The following NLRP3 variants were observed in gnomAD, a reference collection of about 807,000 sequenced individuals.
NLRP3 encodes the protein NLR family pyrin domain containing 3.
A neutral mutation model predicts 91.3 loss-of-function variants in NLRP3; 48 were observed. The ratio of observed to expected loss-of-function variants is 0.53; its 90% CI spans 0.42 to 0.67. The LOEUF is 0.67. NLRP3 is among the 30% of genes least tolerant of loss of function. NLRP3 has a pLI of 0.00. For missense variants in NLRP3, 982 were observed against 1,276.9 expected (o/e 0.77, Z 3.52); for synonymous variants, 561 against 507.9 (o/e 1.10, Z -1.41).
Position 247,424,297 on chromosome 1 carries a change from C to A in NLRP3, c.848C>A (p.Pro283Gln). 1.9e-6 allele frequency: 3 copies of A among 1,614,078 alleles called. No individual in the cohort carries two copies. The highest frequency in any genetic ancestry group is 2.5e-6 in the Non-Finnish European group (3 of 1,179,996). The change falls in exon 4 of 10, where the codon CCA becomes CAA. Residue 283 changes from proline to glutamine, a missense_variant. By Grantham distance (76) the Pro-to-Gln change is moderately conservative. Coordinates refer to ENST00000336119, the MANE Select transcript of NLRP3 (RefSeq NM_001243133.2). The surrounding 1 kb of genome is among the most constrained non-coding windows in gnomAD (Gnocchi z 8.1). ...LIMSCCPDPN[P>Q]PIHKIVRKPS... ...ATGAGCTGCTGCCCCGACCCAAACCCACCCATCCACAAGATCGTGAGAAAA... is the reference window on the plus strand; with the variant it reads ...ATGAGCTGCTGCCCCGACCCAAACCAACCCATCCACAAGATCGTGAGAAAA...
At chr1:247,422,782 G>A (rs1398001765) in intron 2 of NLRP3, among the ~76,000 whole-genome samples, 1 of 152,226 alleles carries the variant, frequency 6.6e-6, no homozygotes, top group Non-Finnish European at 1.5e-5. Flanking sequence ...GACAATAGAA[G>A]ACGTGTGTAA....
intron 5 of NLRP3, among the ~76,000 whole-genome samples, chr1:247,433,376 A>G (rs1336773444): frequency 2.6e-5 from 4 of 152,206 alleles, no homozygotes; most frequent in African/African-American, 7.2e-5. Flanking sequence ...GGGCACGTCA[A>G]TGGTTAGGAA....
At position 247,425,099 on chromosome 1, in the gene NLRP3, G is replaced by A. The variant is rs748768461; in HGVS notation, c.1650G>A (p.Lys550=). 1.2e-6 allele frequency: 2 copies of A among 1,612,746 alleles called. No individual in the cohort carries two copies. The highest frequency in any genetic ancestry group is 1.3e-5 in the African/African-American group (1 of 74,898). Residue 550 remains lysine (K), a synonymous_variant, in exon 4 of 10, where the codon AAG becomes AAA. Coordinates refer to ENST00000336119, the MANE Select transcript of NLRP3 (RefSeq NM_001243133.2). This position sits in a 1 kb window ranked among gnomAD's most constrained non-coding sequence, Gnocchi z 4.1. ...CGAACGTTCCAGGGAGTCGTTTGAAGCTTCCCAGCCGAGACGTGACAGTCC... is the reference window on the plus strand; with the variant it reads ...CGAACGTTCCAGGGAGTCGTTTGAAACTTCCCAGCCGAGACGTGACAGTCC... ...GRTNVPGSRL[K]LPSRDVTVLL... is the part of the protein sequence containing the mutation.
At chr1:247,440,755 G>A (rs944129721) in intron 7 of NLRP3, among the ~76,000 whole-genome samples, 1 of 152,116 alleles carries the variant, frequency 6.6e-6, no homozygotes, top group Non-Finnish European at 1.5e-5. Context: ...GGGACTATAG[G>A]TGGACATCAC....
At chr1:247,441,145 TTCTC>T (rs1205346953) in intron 7 of NLRP3, among the ~76,000 whole-genome samples, 196 of 128,300 alleles carry the variant, frequency 1.5e-3, no homozygotes, top group African/African-American at 3.2e-3. Flanking sequence ...CTTTCTTTCT[TTCTC>T]TCTCTCTCTC....
chr1:247,423,735 T>C, intron 3 of NLRP3, 112 bp from the exon 4 acceptor site: 1 of 969,792 alleles, frequency 1.0e-6, no homozygotes, highest in Non-Finnish European at 1.6e-6. Context: ...GAGCTGCACC[T>C]TCCATTTCTC....
intron 7 of NLRP3, 71 bp from the exon 8 acceptor site, chr1:247,443,901 T>C: frequency 4.0e-6 from 6 of 1,493,846 alleles, no homozygotes; most frequent in Non-Finnish European, 5.6e-6. Context: ...GACGAGGCAC[T>C]GAGTCAAAGC....
intron 7 of NLRP3, 122 bp from the exon 8 acceptor site, chr1:247,443,850 G>A: frequency 2.2e-6 from 2 of 896,312 alleles, no homozygotes; most frequent in South Asian, 2.8e-5. Flanking sequence ...TGAGATGCTG[G>A]CTCCTGCTCT....
At chr1:247,429,258 G>C (rs1447635426) in intron 4 of NLRP3, among the ~76,000 whole-genome samples, 3 of 152,076 alleles carry the variant, frequency 2.0e-5, no homozygotes, top group Non-Finnish European at 4.4e-5. Flanking sequence ...ACTGCCCTCT[G>C]ATCACCCAGC....
Position 247,448,812 on chromosome 1 carries a change from T to C in NLRP3, c.*308T>C, listed in dbSNP as rs1302633828. 2 of 382,330 alleles carry C rather than the reference T, an allele frequency of 5.2e-6. No homozygotes were observed. The highest frequency in any genetic ancestry group is 9.8e-6 in the Non-Finnish European group (2 of 204,838). 23.7% of individuals were successfully genotyped at this position (382,330 alleles called of 1,614,324 possible). A position where few individuals can be genotyped will look rare whatever the true frequency, so the allele number is the denominator to read the frequency against. On this transcript the variant is annotated 3_prime_UTR_variant, in exon 10 of 10. Coordinates refer to ENST00000336119, the MANE Select transcript of NLRP3 (RefSeq NM_001243133.2). ...AGCTCATTCAATAAAGCACTTTCTT[T>C]ATTTTTCTCTTCTCTGTCTAACTTT...
chr1:247,436,639 G>C (rs1558203362), intron 7 of NLRP3, among the ~76,000 whole-genome samples: 1 of 152,172 alleles, frequency 6.6e-6, no homozygotes, highest in Non-Finnish European at 1.5e-5. Context: ...ACACAGGCTG[G>C]TTTGTTAGTG....
chr1:247,432,913 C>T (rs1014260623), intron 5 of NLRP3, among the ~76,000 whole-genome samples: 4 of 151,726 alleles, frequency 2.6e-5, no homozygotes, highest in South Asian at 2.1e-4. Flanking sequence ...AGAGCTGCAG[C>T]GGGATGTGGA....
At chr1:247,442,284 A>G (rs1664291118) in intron 7 of NLRP3, among the ~76,000 whole-genome samples, 1 of 152,156 alleles carries the variant, frequency 6.6e-6, no homozygotes, top group African/African-American at 2.4e-5. Flanking sequence ...CTGTATTTCT[A>G]TTTTTCCTGC....
chr1:247,425,378 G>C lies in NLRP3; in HGVS notation c.1929G>C (p.Arg643Ser). ...TGCAGGAGGAGGACTTCGTGCAAAG[G>C]GCCATGGACTATTTCCCCAAGATTG... ...YEMQEEDFVQ[R>S]AMDYFPKIEI... is the part of the protein sequence containing the mutation. Residue 643 changes from arginine (R) to serine (S), a missense_variant, in exon 4 of 10, where the codon AGG becomes AGC. Around this residue, in one of 5 missense-constraint regions of NLRP3, gnomAD observed 373 missense variants for 431.5 expected, o/e 0.86. Transcript: ENST00000336119. This position sits in a 1 kb window ranked among gnomAD's most constrained non-coding sequence, Gnocchi z 4.1. 1 of 1,614,150 alleles carries C rather than the reference G, an allele frequency of 6.2e-7. No individual in the cohort carries two copies. Among genetic ancestry groups the C allele is most frequent in the Non-Finnish European group, 8.5e-7 (1 of 1,180,034 alleles).
In NLRP3 at chr1:247,418,615, C is replaced by CA; in HGVS notation, c.-182dup. The CA allele has an allele frequency of 1.3e-6, 1 of 794,636 alleles. No individual in the cohort carries two copies. The highest frequency in any genetic ancestry group is 2.0e-6 in the Non-Finnish European group (1 of 499,848). The allele number at this position is 794,636 out of a possible 1,614,324, so 49.2% of individuals were successfully genotyped here. On this transcript the variant is annotated 5_prime_UTR_variant, in exon 2 of 10. Coordinates refer to ENST00000336119, the MANE Select transcript of NLRP3 (RefSeq NM_001243133.2). ...CTGTGCCCGGCCTTGGCTAACTTTT[C>CA]AAAATTAAAGATTTTGACTTGTTAC...
rs752907214 is a variant in NLRP3 at position 247,444,762 on chromosome 1, G to A, written c.2946G>A (p.Leu982=). The A allele has an allele frequency of 6.2e-6, 10 of 1,614,120 alleles. No individual in the cohort carries two copies. The highest frequency in any genetic ancestry group is 2.5e-6 in the Non-Finnish European group (3 of 1,180,012). ...LSLGNNDLGD[L]GVMMFCEVLK... Reference sequence around the variant, plus strand: ...TGGGCAACAATGACCTGGGCGACCTGGGGGTCATGATGTTCTGTGAAGTGC... The same window carrying A: ...TGGGCAACAATGACCTGGGCGACCTAGGGGTCATGATGTTCTGTGAAGTGC... The change falls in exon 9 of 10, where the codon CTG becomes CTA. Residue 982 remains leucine, a synonymous_variant. Coordinates refer to ENST00000336119, the MANE Select transcript of NLRP3 (RefSeq NM_001243133.2).
At chr1:247,447,682 TGAG>T (rs1331695542) in intron 9 of NLRP3, among the ~76,000 whole-genome samples, 4 of 152,186 alleles carry the variant, frequency 2.6e-5, no homozygotes, top group African/African-American at 9.7e-5. Flanking sequence ...ACAAGACAGT[TGAG>T]GAAGCGTAAA....
In NLRP3 at chr1:247,418,909, A is replaced by C. The variant is rs1384776701; in HGVS notation, c.109A>C (p.Ile37Leu). ...GGACTATCCTCCCCAGAAGGGCTGC[A>C]TCCCCCTCCCGAGGGGTCAGACAGA... The part of the protein sequence containing the change: ...LEDYPPQKGC[I>L]PLPRGQTEKA... The change falls in exon 2 of 10, where the codon ATC becomes CTC. Residue 37 changes from isoleucine to leucine, a missense_variant. Ile to Leu is a conservative substitution (Grantham distance 5, BLOSUM62 2). Around this residue, in one of 5 missense-constraint regions of NLRP3, gnomAD observed 548 missense variants for 713.7 expected, o/e 0.77. Coordinates refer to ENST00000336119, the MANE Select transcript of NLRP3 (RefSeq NM_001243133.2). 6.2e-7 allele frequency: 1 copy of C among 1,614,148 alleles called. No homozygotes were observed. The highest frequency in any genetic ancestry group is 2.2e-5 in the East Asian group (1 of 44,862).
chr1:247,417,212 C>G (rs1050042878), intron 1 of NLRP3, among the ~76,000 whole-genome samples: 11 of 152,178 alleles, frequency 7.2e-5, no homozygotes, highest in Admixed American at 3.3e-4. Flanking sequence ...GACATGGTCT[C>G]ATATCTCTGG....
Sources: allele counts gnomAD v4.1 joint callset (sites outside exome capture counted in the v4.1 genomes callset), GRCh38; gene constraint gnomAD v4.1.1; regional missense constraint gnomAD v4.1.1; non-coding constraint Gnocchi (gnomAD v3.1); transcripts MANE v1.5; gene names NCBI Gene and HGNC (gene_info 2026-07-23, HGNC 2026-07-21).